PTPRO: variants seen among roughly 807,000 people sequenced by gnomAD.
PTPRO encodes protein tyrosine phosphatase receptor type O.
Under a neutral mutation model 145.2 loss-of-function variants are expected in PTPRO, and 62 were observed. That is an observed-to-expected ratio of 0.43 (90% confidence interval 0.35 to 0.53). PTPRO has a LOEUF of 0.53. Ranked by LOEUF, PTPRO falls within the 20% of genes least tolerant of loss-of-function variation. PTPRO has a pLI of 0.01. For missense variants in PTPRO, 1,345 were observed against 1,482.7 expected, an observed-to-expected ratio of 0.91 and a Z score of 1.53; for synonymous variants, 565 against 514.7, an observed-to-expected ratio of 1.10 and a Z score of -1.32.
At position 15,516,921 on chromosome 12, in the gene PTPRO, G is replaced by A. The variant is rs2136506696; in HGVS notation, c.1744G>A (p.Glu582Lys). The A allele has an allele frequency of 1.2e-6, 2 of 1,614,004 alleles. No homozygotes were observed. Among genetic ancestry groups the A allele is most frequent in the Non-Finnish European group, 8.5e-7 (1 of 1,179,860 alleles). ...GACATCAGAGTGGACCACCTACTAT[G>A]AAATAGCAGCAACTGTTTCCTTAAC... The part of the protein sequence containing the change: ...TMTSEWTTYY[E>K]IAATVSLTAS... Residue 582 changes from glutamate (E) to lysine (K), a missense_variant, in exon 9 of 27, where the codon GAA becomes AAA. Glu to Lys is a moderately conservative substitution (Grantham distance 56, BLOSUM62 1). This residue lies in a region of PTPRO where 1,130 missense variants were observed against 1,214.7 expected (regional missense o/e 0.93). Coordinates refer to ENST00000281171, the MANE Select transcript of PTPRO (RefSeq NM_030667.3).
At chr12:15,449,127 A>G (rs1940983835) in intron 1 of PTPRO, among the ~76,000 whole-genome samples, 1 of 151,726 alleles carries the variant, frequency 6.6e-6, no homozygotes, top group African/African-American at 2.4e-5. Flanking sequence ...TACAGACAAA[A>G]AAAAAAAAAG....
chr12:15,328,683 A>T (rs1442953338), intron 1 of PTPRO, among the ~76,000 whole-genome samples: 2 of 152,230 alleles, frequency 1.3e-5, no homozygotes, highest in Non-Finnish European at 2.9e-5. Flanking sequence ...TGAAATGAAG[A>T]ACATTTGATG....
At chr12:15,531,415 C>G (rs1942960394) in intron 12 of PTPRO, among the ~76,000 whole-genome samples, 1 of 152,122 alleles carries the variant, frequency 6.6e-6, no homozygotes, top group Non-Finnish European at 1.5e-5. Flanking sequence ...GATACTTTAA[C>G]ATTCTTGCAA....
chr12:15,535,032 G>A (rs1049702656), intron 12 of PTPRO, among the ~76,000 whole-genome samples: 1 of 152,152 alleles, frequency 6.6e-6, no homozygotes, highest in Non-Finnish European at 1.5e-5. Context: ...AACACGAAGT[G>A]AGGGAAAGGG....
At chr12:15,580,179 A>T in intron 21 of PTPRO, 64 bp downstream of exon 21, 1 of 1,285,326 alleles carries the variant, frequency 7.8e-7, no homozygotes, top group South Asian at 1.2e-5. Context: ...TAGCAGGGCT[A>T]TATGGATGTG....
At chr12:15,581,364 G>A (rs1275959871) in intron 22 of PTPRO, among the ~76,000 whole-genome samples, 2 of 139,582 alleles carry the variant, frequency 1.4e-5, no homozygotes, top group African/African-American at 2.6e-5. Context: ...GCAGTGGCAC[G>A]ATCTCAGCTC....
chr12:15,358,732 T>C (rs1205655586), intron 1 of PTPRO, among the ~76,000 whole-genome samples: 1 of 152,236 alleles, frequency 6.6e-6, no homozygotes, highest in Non-Finnish European at 1.5e-5. Flanking sequence ...CACTTCATTG[T>C]ATGTTTTACC....
At chr12:15,449,113 G>C (rs558387251) in intron 1 of PTPRO, among the ~76,000 whole-genome samples, 3 of 108,122 alleles carry the variant, frequency 2.8e-5, no homozygotes, top group Non-Finnish European at 3.9e-5. Context: ...AGTGAAAGAA[G>C]ATTTACAGAC....
intron 1 of PTPRO, among the ~76,000 whole-genome samples, chr12:15,425,928 T>G (rs1320075954): frequency 1.3e-5 from 2 of 151,946 alleles, no homozygotes; most frequent in Middle Eastern, 3.6e-3. Context: ...ACAATTAGTG[T>G]CTTACATTTT....
Position 15,515,597 on chromosome 12 carries a change from G to A in PTPRO, c.1564G>A (p.Asp522Asn). Residue 522 changes from aspartate (D) to asparagine (N), a missense_variant, in exon 8 of 27, where the codon GAT (aspartate) becomes AAT (asparagine). By Grantham distance (23) the Asp-to-Asn change is conservative. This residue lies in a region of PTPRO where 1,130 missense variants were observed against 1,214.7 expected (regional missense o/e 0.93). Transcript: ENST00000281171. ...RKGPLIGPPS[D>N]PVTFAIVPTG... ...AGGCCCTTTGATTGGACCACCTTCA[G>A]ATCCTGTGACATTTGCTATTGGTAA... The A allele has an allele frequency of 6.2e-7, 1 of 1,614,026 alleles. No homozygotes were observed. Among genetic ancestry groups the A allele is most frequent in the Non-Finnish European group, 8.5e-7 (1 of 1,179,982 alleles).
chr12:15,442,440 C>T (rs1326176878), intron 1 of PTPRO, among the ~76,000 whole-genome samples: 1 of 152,084 alleles, frequency 6.6e-6, no homozygotes, highest in African/African-American at 2.4e-5. Flanking sequence ...TGGAACAAAA[C>T]AAGGATGCCC....
At chr12:15,501,396 T>C (rs1454325253) in intron 4 of PTPRO, among the ~76,000 whole-genome samples, 1 of 152,188 alleles carries the variant, frequency 6.6e-6, no homozygotes, top group Non-Finnish European at 1.5e-5. Context: ...ATATTTGAAG[T>C]GTGACTAGTG....
At chr12:15,557,173 T>C (rs990674929) in intron 15 of PTPRO, among the ~76,000 whole-genome samples, 2 of 152,260 alleles carry the variant, frequency 1.3e-5, no homozygotes, top group African/African-American at 4.8e-5. Flanking sequence ...CCCGAGTAGC[T>C]GGGATTACAG....
In PTPRO at chr12:15,322,850, G is replaced by T. The variant is rs529204700; in HGVS notation, c.75+49G>T. On this transcript the variant is annotated intron_variant, in intron 1 of 26. Transcript: ENST00000281171. This position sits in a 1 kb window ranked among gnomAD's most constrained non-coding sequence, Gnocchi z 6.3. Reference sequence around the variant, plus strand: ...TTTCCCAGCGGTCCGGGCGGCAGCCGCGCTCCGGCGCCCTCGCTCTGCCGT... The same window carrying T: ...TTTCCCAGCGGTCCGGGCGGCAGCCTCGCTCCGGCGCCCTCGCTCTGCCGT... 19 of 1,571,250 alleles carry T rather than the reference G, an allele frequency of 1.2e-5. No homozygotes were observed. In the East Asian group the frequency reaches 4.4e-4, roughly 37 times the overall value.
At chr12:15,348,668 T>A (rs1023800523) in intron 1 of PTPRO, 1 of 152,000 alleles carries the variant, frequency 6.6e-6, no homozygotes, top group African/African-American at 2.4e-5. Flanking sequence ...GCGCCCGTAG[T>A]CCCAGATACT....
chr12:15,403,064 C>T (rs1463711253), intron 1 of PTPRO, among the ~76,000 whole-genome samples: 1 of 152,122 alleles, frequency 6.6e-6, no homozygotes, highest in South Asian at 2.1e-4. Context: ...CATTTGATTT[C>T]TTATTCATCT....
At chr12:15,396,055 G>A (rs888073509) in intron 1 of PTPRO, among the ~76,000 whole-genome samples, 1 of 152,200 alleles carries the variant, frequency 6.6e-6, no homozygotes, top group African/African-American at 2.4e-5. Flanking sequence ...ATACATCTGT[G>A]TGTGTAGTAC....
chr12:15,361,718 G>A (rs1046987219), intron 1 of PTPRO, among the ~76,000 whole-genome samples: 4 of 152,128 alleles, frequency 2.6e-5, no homozygotes, highest in East Asian at 1.9e-4. Context: ...TTATGTGGAC[G>A]TTTGGCAAAT....
rs542454258 is a variant in PTPRO, at chr12:15,455,744, C to T, written c.76-28230C>T. 4.3e-4 allele frequency among the ~76,000 whole-genome samples: 65 copies of T among 152,214 alleles called. 1 individual carries two copies. The highest frequency in any genetic ancestry group is 1.3e-3 in the African/African-American group (54 of 41,546). On this transcript the variant is annotated intron_variant, in intron 1 of 26. Coordinates refer to ENST00000281171, the MANE Select transcript of PTPRO (RefSeq NM_030667.3). ...TGCTGAACTCATTTGTTACTTCTAACAGTGTTTTTTGGTGGAAACTTCAGG... is the reference window on the plus strand; with the variant it reads ...TGCTGAACTCATTTGTTACTTCTAATAGTGTTTTTTGGTGGAAACTTCAGG...
Sources: gnomAD v4.1 joint callset for allele counts (sites outside exome capture counted in the v4.1 genomes callset) on GRCh38, gnomAD v4.1.1 for gene constraint, gnomAD v4.1.1 regional missense constraint, Gnocchi (gnomAD v3.1) non-coding constraint, MANE v1.5 for transcripts, NCBI Gene and HGNC (gene_info 2026-07-23, HGNC 2026-07-21) for gene names.